The following ZNF516 variants were observed in gnomAD, a reference collection of about 807,000 sequenced individuals.
ZNF516 encodes the protein zinc finger protein 516.
A neutral mutation model predicts 79.7 loss-of-function variants in ZNF516; 19 were observed. The ratio of observed to expected loss-of-function variants is 0.24; its 90% CI spans 0.17 to 0.35. The LOEUF (loss-of-function observed/expected upper bound fraction) is 0.35. ZNF516 is among the 10% of genes least tolerant of loss of function. The pLI is 1.00. For missense variants in ZNF516, 1,678 were observed against 1,679.5 expected, an observed-to-expected ratio of 1.00 and a Z score of 0.02; for synonymous variants, 877 against 739.5, an observed-to-expected ratio of 1.19 and a Z score of -3.02.
chr18:76,491,547 G>A (rs1915215192), intron 1 of ZNF516: 1 of 149,148 alleles, frequency 6.7e-6, no homozygotes, highest in Non-Finnish European at 1.5e-5. Flanking sequence ...TGACGGGGGC[G>A]GGGGGCGGGG....
Position 76,420,094 on chromosome 18 carries a change from G to T in ZNF516, c.1810+21151C>A, listed in dbSNP as rs1255060444. 2.6e-5 allele frequency among the ~76,000 whole-genome samples: 4 copies of T among 152,348 alleles called. No individual in the cohort carries two copies. In the East Asian group the frequency reaches 7.7e-4, roughly 29 times the overall value. ...GTGCTGAGGTGCTTTTGTTTAGTAG[G>T]CATTTAATACCTGCATTTCTGTAGG... On this transcript the variant is annotated intron_variant, in intron 3 of 6. Coordinates refer to ENST00000443185, the MANE Select transcript of ZNF516 (RefSeq NM_014643.4).
intron 4 of ZNF516, among the ~76,000 whole-genome samples, chr18:76,378,516 G>GCCTGCT (rs2074825057): frequency 6.6e-6 from 1 of 152,194 alleles, no homozygotes; most frequent in African/African-American, 2.4e-5. Context: ...AATCACGTCG[G>GCCTGCT]CCTGCTCCTG....
At chr18:76,491,668 G>GC in intron 1 of ZNF516, 1 of 558,186 alleles carries the variant, frequency 1.8e-6, no homozygotes, top group Non-Finnish European at 2.2e-6. Context: ...AGCGGCCACC[G>GC]CCCCCACCCC....
At chr18:76,367,880 T>C (rs993522443) in intron 6 of ZNF516, among the ~76,000 whole-genome samples, 1 of 152,236 alleles carries the variant, frequency 6.6e-6, no homozygotes, top group African/African-American at 2.4e-5. Context: ...TTACATAATG[T>C]AGCATCTATT....
At chr18:76,395,108 C>T (rs747672461) in intron 3 of ZNF516, among the ~76,000 whole-genome samples, 4 of 152,160 alleles carry the variant, frequency 2.6e-5, no homozygotes, top group Non-Finnish European at 5.9e-5. Context: ...ACAGACAAAG[C>T]CTGCATGCCT....
At chr18:76,452,938 G>A (rs945834895) in intron 2 of ZNF516, among the ~76,000 whole-genome samples, 8 of 152,210 alleles carry the variant, frequency 5.3e-5, no homozygotes, top group Admixed American at 2.0e-4. Flanking sequence ...ATAAAGGAGT[G>A]TCCGTGTGAA....
At chr18:76,486,686 GA>G (rs11464561) in intron 1 of ZNF516, among the ~76,000 whole-genome samples, 192 of 142,302 alleles carry the variant, frequency 1.3e-3, no homozygotes, top group South Asian at 1.5e-3. Flanking sequence ...GGTTTTGAAG[GA>G]AAAAAAAAAA....
intron 2 of ZNF516, among the ~76,000 whole-genome samples, chr18:76,457,516 C>G (rs1349891599): frequency 5.9e-5 from 9 of 152,126 alleles, no homozygotes; most frequent in Admixed American, 5.9e-4. Flanking sequence ...CAAGACCAGC[C>G]TGGGCAAAAA....
At chr18:76,462,401 C>T (rs1239000766) in intron 2 of ZNF516, among the ~76,000 whole-genome samples, 14 of 152,266 alleles carry the variant, frequency 9.2e-5, no homozygotes, top group Admixed American at 5.9e-4. Context: ...ACTCCTCCAA[C>T]GCCCCTTTAG....
rs2074532865 is a variant in ZNF516, at chr18:76,361,233, T to C, written c.*1265A>G. 1.3e-5 allele frequency: 2 copies of C among 152,308 alleles called. No homozygotes were observed. The highest frequency in any genetic ancestry group is 6.8e-3 in the Middle Eastern group (2 of 294). 9.4% of individuals were successfully genotyped at this position (152,308 alleles called of 1,614,324 possible). ...CTCTCAGAAATATTACCATCACACATAGTGTCACGGCAATGGGAAAAGAAA... is the reference window on the plus strand; with the variant it reads ...CTCTCAGAAATATTACCATCACACACAGTGTCACGGCAATGGGAAAAGAAA... On this transcript the variant is annotated 3_prime_UTR_variant, in exon 7 of 7. Transcript: ENST00000443185.
intron 3 of ZNF516, among the ~76,000 whole-genome samples, chr18:76,415,753 C>G (rs1466433739): frequency 6.6e-6 from 1 of 152,174 alleles, no homozygotes; most frequent in Admixed American, 6.5e-5. Context: ...GAAACCGGCT[C>G]AAAATGCAGC....
chr18:76,429,885 G>A (rs1029971880), intron 3 of ZNF516, among the ~76,000 whole-genome samples: 3 of 152,194 alleles, frequency 2.0e-5, no homozygotes, highest in African/African-American at 7.2e-5. Flanking sequence ...GTGCCCTTTT[G>A]TTACTGAGGT....
At chr18:76,362,840 G>T (rs770183515) in intron 6 of ZNF516, among the ~76,000 whole-genome samples, 4 of 152,176 alleles carry the variant, frequency 2.6e-5, no homozygotes, top group Non-Finnish European at 5.9e-5. Context: ...CTTCTCTAAT[G>T]GTTTCACATG....
chr18:76,412,292 C>T (rs938096570), intron 3 of ZNF516, among the ~76,000 whole-genome samples: 1 of 152,196 alleles, frequency 6.6e-6, no homozygotes, highest in Non-Finnish European at 1.5e-5. Flanking sequence ...TCCTTCCTCA[C>T]TGGGGACAGA....
intron 1 of ZNF516, among the ~76,000 whole-genome samples, chr18:76,481,235 A>C (rs1914506690): frequency 6.6e-6 from 1 of 152,216 alleles, no homozygotes; most frequent in Admixed American, 6.5e-5. Context: ...AATTCTCTTC[A>C]GATCACTCTC....
intron 1 of ZNF516, chr18:76,490,946 G>C (rs1915145846): frequency 1.0e-6 from 1 of 985,342 alleles, no homozygotes; most frequent in Non-Finnish European, 1.2e-6. Flanking sequence ...ACACTGTGAG[G>C]TCACACACGC....
At chr18:76,473,911 G>GTC (rs1568322754) in intron 1 of ZNF516, among the ~76,000 whole-genome samples, 1 of 120,650 alleles carries the variant, frequency 8.3e-6, no homozygotes, top group East Asian at 2.7e-4. Flanking sequence ...TGTGGGGGGG[G>GTC]GGGGGGCTTT....
intron 2 of ZNF516, among the ~76,000 whole-genome samples, chr18:76,447,803 T>C (rs1004859610): frequency 6.6e-6 from 1 of 152,220 alleles, no homozygotes; most frequent in African/African-American, 2.4e-5. Flanking sequence ...GACAAAACCG[T>C]AATTTAATTG....
chr18:76,360,643 A>AT lies in ZNF516; in HGVS notation c.*1854_*1855insA, dbSNP rs1568223728. The AT allele has an allele frequency of 2.0e-3, 230 of 113,928 alleles. No individual in the cohort carries two copies. Among genetic ancestry groups the AT allele is most frequent in the South Asian group, 5.5e-3 (17 of 3,082 alleles). 7.1% of individuals were successfully genotyped at this position (113,928 alleles called of 1,614,324 possible). A position where few individuals can be genotyped will look rare whatever the true frequency, so the allele number is the denominator to read the frequency against. On this transcript the variant is annotated 3_prime_UTR_variant, in exon 7 of 7. Transcript: ENST00000443185. Reference sequence around the variant, plus strand: ...CAGAAAAAAATAAGTAAAAAAAAAAAAAAATATATATATATATATATATAT... The same window carrying AT: ...CAGAAAAAAATAAGTAAAAAAAAAAATAAAATATATATATATATATATATAT...
Sources: gnomAD v4.1 joint callset for allele counts (sites outside exome capture counted in the v4.1 genomes callset) on GRCh38, gnomAD v4.1.1 for gene constraint, MANE v1.5 for transcripts, NCBI Gene and HGNC (gene_info 2026-07-23, HGNC 2026-07-21) for gene names.